The following HYDIN variants were observed in gnomAD, a reference collection of about 807,000 sequenced individuals.
HYDIN encodes the protein axonemal central pair apparatus protein HYDIN.
In HYDIN, 132 loss-of-function variants were observed where a neutral mutation model predicts 403.9. That is an observed-to-expected ratio of 0.33 (90% CI 0.28 to 0.38). HYDIN has a LOEUF of 0.38. Ranked by LOEUF, HYDIN falls within the 10% of genes least tolerant of loss-of-function variation. The pLI, the probability that HYDIN is intolerant of heterozygous loss-of-function variation, is 1.00. For synonymous variants in HYDIN, 1,202 were observed against 1,891.7 expected (o/e 0.64, Z 9.46); for missense variants, 2,827 against 5,009.5 (o/e 0.56, Z 13.15).
At chr16:70,866,385 G>A (rs1297515346) in intron 66 of HYDIN, 56 bp from the exon 67 acceptor site, 3 of 856,828 alleles carry the variant, frequency 3.5e-6, no homozygotes, top group Non-Finnish European at 3.7e-6. Flanking sequence ...CAGAAAAACT[G>A]ACAATGGAAT....
intron 58 of HYDIN, among the ~76,000 whole-genome samples, chr16:70,886,737 C>T (rs1253162261): frequency 2.6e-5 from 4 of 152,136 alleles, no homozygotes; most frequent in Admixed American, 2.0e-4. Context: ...AAATATTGTG[C>T]CACTTTCTTT....
In HYDIN at chr16:71,182,413, G is replaced by A. The variant is rs1484138306; in HGVS notation, c.261+2452C>T. Among the ~76,000 whole-genome samples the A allele has an allele frequency of 2.0e-5, 3 of 152,064 alleles. No homozygotes were observed. The East Asian group carries it at 5.8e-4, about 29-fold the overall frequency. On this transcript the variant is annotated intron_variant, in intron 3 of 85. Coordinates refer to ENST00000393567, the MANE Select transcript of HYDIN (RefSeq NM_001270974.2). Reference sequence around the variant, plus strand: ...TAATGGTGGCTTAAACTGGAATGGTGGTGGAGAACATGGTGAGAAGCAGTA... The same window carrying A: ...TAATGGTGGCTTAAACTGGAATGGTAGTGGAGAACATGGTGAGAAGCAGTA...
chr16:70,933,669 G>C (rs1209248082), intron 45 of HYDIN: 1 of 154,760 alleles, frequency 6.5e-6, no homozygotes, highest in Non-Finnish European at 1.5e-5. Context: ...ATGGTGATGG[G>C]ATCTATTCAC....
At chr16:71,150,861 TTAA>T (rs2085510998) in intron 7 of HYDIN, among the ~76,000 whole-genome samples, 1 of 152,124 alleles carries the variant, frequency 6.6e-6, no homozygotes, top group African/African-American at 2.4e-5. Flanking sequence ...TACTTACAAA[TTAA>T]TAACAAAAGA....
intron 18 of HYDIN, among the ~76,000 whole-genome samples, chr16:71,059,245 T>C (rs1337747909): frequency 6.6e-6 from 1 of 152,132 alleles, no homozygotes; most frequent in Non-Finnish European, 1.5e-5. Context: ...AATGGTATTT[T>C]CTAGGTTATC....
At position 70,833,959 on chromosome 16, in the gene HYDIN, A is replaced by C; in HGVS notation, c.13607T>G (p.Phe4536Cys). The change falls in exon 79 of 86, where the codon TTT becomes TGT. Residue 4536 changes from phenylalanine (F) to cysteine (C), a missense_variant. Phe to Cys is a radical substitution (Grantham distance 205). Coordinates refer to ENST00000393567, the MANE Select transcript of HYDIN (RefSeq NM_001270974.2). The part of the protein sequence containing the change: ...EISLDQEHIP[F>C]GPVVYQTQAT... ...TTGCGTCTGATACACCACGGGTCCA[A>C]AGGGAATATGTTCCTGGTCCAGTGA... 6.2e-7 allele frequency: 1 copy of C among 1,613,366 alleles called. No homozygotes were observed. Among genetic ancestry groups the C allele is most frequent in the East Asian group, 2.2e-5 (1 of 44,810 alleles).
intron 10 of HYDIN, among the ~76,000 whole-genome samples, chr16:71,109,208 T>C (rs1238061497): frequency 4.9e-5 from 7 of 143,894 alleles, no homozygotes; most frequent in Non-Finnish European, 7.5e-5. Flanking sequence ...ATCTGCATTC[T>C]ATTCAATAAT....
chr16:70,901,533 G>C (rs2076377843), intron 52 of HYDIN, among the ~76,000 whole-genome samples: 1 of 149,838 alleles, frequency 6.7e-6, no homozygotes, highest in South Asian at 2.1e-4. Context: ...TTCCGTTCCT[G>C]CATTAGTTTG....
chr16:71,067,345 C>T lies in HYDIN; in HGVS notation c.2020G>A (p.Val674Met), dbSNP rs778990675. 9.4e-5 allele frequency: 151 copies of T among 1,613,210 alleles called. No individual in the cohort carries two copies. In the East Asian group the frequency reaches 1.1e-3, roughly 12 times the overall value. ...TCTCCGATGCCCTCCACGTCCACCA[C>T]GAGTGCCAGCTCGTATTTCTGCACA... is the stretch of plus-strand genomic sequence containing the variant. The part of the protein sequence containing the change: ...NTVQKYELAL[V>M]VDVEGIGEEV... The change falls in exon 15 of 86, where the codon GTG (valine) becomes ATG (methionine). Residue 674 changes from valine to methionine, a missense_variant. Physicochemically the swap from Val to Met is conservative, Grantham distance 21 (BLOSUM62 1). Coordinates refer to ENST00000393567, the MANE Select transcript of HYDIN (RefSeq NM_001270974.2).
chr16:70,926,560 A>AAC, intron 45 of HYDIN, among the ~76,000 whole-genome samples: 1 of 152,172 alleles, frequency 6.6e-6, no homozygotes, highest in South Asian at 2.1e-4. Context: ...AGGTATACAT[A>AAC]TGTAACTAAC....
At chr16:70,859,214 T>C (rs914882215) in intron 71 of HYDIN, among the ~76,000 whole-genome samples, 5 of 151,954 alleles carry the variant, frequency 3.3e-5, no homozygotes, top group Non-Finnish European at 5.9e-5. Context: ...GTCAGGAGAA[T>C]AGCGTGAACC....
intron 10 of HYDIN, among the ~76,000 whole-genome samples, chr16:71,094,458 C>G (rs1424701817): frequency 6.6e-6 from 1 of 151,956 alleles, no homozygotes; most frequent in Non-Finnish European, 1.5e-5. Context: ...TGCAGACACC[C>G]AGCTTTATAA....
chr16:70,949,824 G>A (rs1305770297), intron 41 of HYDIN, among the ~76,000 whole-genome samples: 1 of 152,292 alleles, frequency 6.6e-6, no homozygotes, highest in Non-Finnish European at 1.5e-5. Context: ...AAAGGAGTTT[G>A]GAGTCAGAAT....
At chr16:70,996,917 T>C (rs2079550891) in intron 23 of HYDIN, among the ~76,000 whole-genome samples, 2 of 151,234 alleles carry the variant, frequency 1.3e-5, no homozygotes, top group East Asian at 1.9e-4. Context: ...GTGCACTTTA[T>C]TTCTATTATT....
intron 53 of HYDIN, among the ~76,000 whole-genome samples, chr16:70,899,251 A>G (rs1484352196): frequency 6.6e-6 from 1 of 151,568 alleles, no homozygotes; most frequent in Non-Finnish European, 1.5e-5. Context: ...CTTATTTGGA[A>G]AAAAGGGTAT....
intron 1 of HYDIN, among the ~76,000 whole-genome samples, chr16:71,200,482 A>G (rs543929273): frequency 2.0e-5 from 3 of 152,230 alleles, no homozygotes; most frequent in South Asian, 2.1e-4. Context: ...ATGCCACCTA[A>G]TCCAAGACTT....
intron 71 of HYDIN, among the ~76,000 whole-genome samples, chr16:70,858,869 G>C (rs1360100364): frequency 1.3e-5 from 2 of 151,474 alleles, no homozygotes; most frequent in Non-Finnish European, 2.9e-5. Flanking sequence ...CATTTAACTA[G>C]ATGGCCTGGG....
At chr16:71,227,930 C>A (rs950112259) in intron 1 of HYDIN, among the ~76,000 whole-genome samples, 6 of 152,112 alleles carry the variant, frequency 3.9e-5, no homozygotes, top group African/African-American at 7.2e-5. Context: ...GCTACAGTAA[C>A]CAAAACAGCA....
intron 1 of HYDIN, among the ~76,000 whole-genome samples, chr16:71,219,659 A>G (rs2089092102): frequency 6.6e-6 from 1 of 152,192 alleles, no homozygotes; most frequent in Non-Finnish European, 1.5e-5. Context: ...CAGATAACTA[A>G]AACACTTTGA....
Sources: allele counts gnomAD v4.1 joint callset (sites outside exome capture counted in the v4.1 genomes callset), GRCh38; gene constraint gnomAD v4.1.1; transcripts MANE v1.5; gene names NCBI Gene and HGNC (gene_info 2026-07-23, HGNC 2026-07-21).